Variants in ANK2 observed in about 807,000 individuals in gnomAD.
ANK2 encodes ankyrin-2.
Under a neutral mutation model 360.5 loss-of-function variants are expected in ANK2, and 83 were observed. The observed-to-expected ratio is 0.23, with a 90% CI of 0.19 to 0.28. The LOEUF (loss-of-function observed/expected upper bound fraction) is 0.28. ANK2 is among the 10% of genes least tolerant of loss of function. ANK2 has a pLI of 1.00. For synonymous variants in ANK2, 1,740 were observed against 1,759.5 expected (o/e 0.99, Z 0.28); for missense variants, 4,201 against 4,795.7 (o/e 0.88, Z 3.66).
intron 1 of ANK2, among the ~76,000 whole-genome samples, chr4:113,077,658 T>C (rs945231582): frequency 3.3e-5 from 5 of 152,250 alleles, no homozygotes; most frequent in African/African-American, 1.2e-4. Context: ...TCCCTGTGCA[T>C]ATCTGCCACC....
At chr4:113,069,646 C>T (rs764254265) in intron 1 of ANK2, among the ~76,000 whole-genome samples, 1 of 152,224 alleles carries the variant, frequency 6.6e-6, no homozygotes, top group Non-Finnish European at 1.5e-5. Flanking sequence ...ATTGCACCAT[C>T]ATTGATACTA....
rs185491933 is a variant in ANK2 at position 113,297,489 on chromosome 4, A to G, written c.2475+3951A>G. 6.2e-4 allele frequency among the ~76,000 whole-genome samples: 94 copies of G among 152,274 alleles called. 1 individual carries two copies. Among genetic ancestry groups the G allele is most frequent in the African/African-American group, 2.1e-3 (86 of 41,540 alleles). ...TCCCAATTACCCTGATTTGATCATT[A>G]TACTTATGTTTATATCAAAATATCA... is the stretch of plus-strand genomic sequence containing the variant. On this transcript the variant is annotated intron_variant, in intron 22 of 45. Coordinates refer to ENST00000357077, the MANE Select transcript of ANK2 (RefSeq NM_001148.6).
At chr4:112,743,825 G>A in the ANK2 span, among the ~76,000 whole-genome samples, 2 of 150,812 alleles carry the variant, frequency 1.3e-5, no homozygotes, top group South Asian at 2.1e-4. Flanking sequence ...GATTACAGGC[G>A]TGAGCCACCA....
At chr4:113,152,724 CAG>C (rs1554194471) in intron 1 of ANK2, among the ~76,000 whole-genome samples, 1 of 151,748 alleles carries the variant, frequency 6.6e-6, no homozygotes, top group East Asian at 1.9e-4. Context: ...CTGGGCAACA[CAG>C]GGAGATTCTG....
upstream of ANK2, among the ~76,000 whole-genome samples, chr4:112,814,304 A>T (rs1397946650): frequency 6.6e-6 from 1 of 152,210 alleles, no homozygotes; most frequent in African/African-American, 2.4e-5. Flanking sequence ...CCAACGAGAG[A>T]AATATTCAGT....
At chr4:113,223,044 T>C (rs2099169112) in intron 4 of ANK2, among the ~76,000 whole-genome samples, 1 of 152,216 alleles carries the variant, frequency 6.6e-6, no homozygotes, top group South Asian at 2.1e-4. Context: ...TTAGTACCCA[T>C]TGGTTTTTTA....
chr4:112,894,314 T>A (rs1203953331), intron 1 of ANK2, among the ~76,000 whole-genome samples: 2 of 152,212 alleles, frequency 1.3e-5, no homozygotes, highest in Non-Finnish European at 2.9e-5. Flanking sequence ...TTCATTTATA[T>A]AAATAGAAGG....
chr4:112,788,183 C>A, the ANK2 span: 3 of 1,587,450 alleles, frequency 1.9e-6, no homozygotes, highest in Non-Finnish European at 2.6e-6. Context: ...CCAGTGACGG[C>A]AGATCTCATC....
chr4:113,196,249 A>T, intron 2 of ANK2, 119 bp from the exon 3 acceptor site: 1 of 755,418 alleles, frequency 1.3e-6, no homozygotes, highest in East Asian at 2.7e-5. Flanking sequence ...TAATGCAAAA[A>T]GGAAAAAAAA....
At chr4:113,043,425 A>C (rs1444160682) in intron 2 of ANK2, among the ~76,000 whole-genome samples, 6 of 151,638 alleles carry the variant, frequency 4.0e-5, no homozygotes, top group Non-Finnish European at 8.8e-5. Flanking sequence ...GTACATTCCA[A>C]CAAATACCAG....
intron 1 of ANK2, chr4:113,150,997 T>C: frequency 8.2e-6 from 9 of 1,093,336 alleles, no homozygotes; most frequent in Non-Finnish European, 1.1e-5. Context: ...ACTTAGTAAA[T>C]ATTTGTGAAA....
chr4:113,080,099 A>G (rs901820145), intron 1 of ANK2, among the ~76,000 whole-genome samples: 3 of 152,048 alleles, frequency 2.0e-5, no homozygotes, highest in Admixed American at 6.5e-5. Context: ...GGGTTTCGCC[A>G]TGTTGACTGG....
At chr4:112,965,507 C>A (rs992665884) in intron 2 of ANK2, among the ~76,000 whole-genome samples, 7 of 152,030 alleles carry the variant, frequency 4.6e-5, no homozygotes, top group African/African-American at 1.7e-4. Context: ...CATTTGGTTG[C>A]CTGTATTTGT....
At chr4:112,961,060 G>GTT (rs61530543) in intron 2 of ANK2, among the ~76,000 whole-genome samples, 119 of 139,476 alleles carry the variant, frequency 8.5e-4, no homozygotes, top group East Asian at 2.1e-3. Flanking sequence ...CTAAATAACT[G>GTT]TTTTTTTTTT....
chr4:112,712,038 A>T, the ANK2 span, among the ~76,000 whole-genome samples: 1 of 148,754 alleles, frequency 6.7e-6, no homozygotes, highest in Non-Finnish European at 1.5e-5. Flanking sequence ...TGTTACATAC[A>T]TACACACACA....
At chr4:112,766,769 C>T in the ANK2 span, among the ~76,000 whole-genome samples, 104 of 152,242 alleles carry the variant, frequency 6.8e-4, no homozygotes, top group Middle Eastern at 3.4e-3. Context: ...ATCATTGTGC[C>T]CTGATGAGAT....
intron 2 of ANK2, among the ~76,000 whole-genome samples, chr4:113,189,783 C>A (rs2098624632): frequency 6.6e-6 from 1 of 152,160 alleles, no homozygotes; most frequent in African/African-American, 2.4e-5. Context: ...TTCTGGCTGT[C>A]TCACTAGAGA....
chr4:112,915,225 G>A (rs1339542510), intron 2 of ANK2, among the ~76,000 whole-genome samples: 1 of 152,058 alleles, frequency 6.6e-6, no homozygotes, highest in Non-Finnish European at 1.5e-5. Flanking sequence ...TTAACTTCAA[G>A]ATCCTCAGGG....
At chr4:112,718,688 A>T in the ANK2 span, among the ~76,000 whole-genome samples, 12 of 151,862 alleles carry the variant, frequency 7.9e-5, no homozygotes, top group African/African-American at 2.4e-4. Flanking sequence ...CCCAGGCTGG[A>T]ATGCAATGGT....
Sources: gnomAD v4.1 joint callset for allele counts (sites outside exome capture counted in the v4.1 genomes callset) on GRCh38, gnomAD v4.1.1 for gene constraint, MANE v1.5 for transcripts, NCBI Gene and HGNC (gene_info 2026-07-23, HGNC 2026-07-21) for gene names.